Variants in MAGI1 observed in about 807,000 individuals in gnomAD.
MAGI1 encodes the protein membrane associated guanylate kinase, WW and PDZ domain containing 1, also known as membrane-associated guanylate kinase, WW and PDZ domain-containing protein 1.
A neutral mutation model predicts 139.9 loss-of-function variants in MAGI1; 58 were observed. The observed-to-expected ratio is 0.41, with a 90% confidence interval of 0.34 to 0.52. The LOEUF (loss-of-function observed/expected upper bound fraction) is 0.52, where lower values mean the gene tolerates loss of function less well. Among genes scored for constraint, MAGI1 ranks in the 20% least tolerant of loss-of-function variants. MAGI1 has a pLI of 0.12. For synonymous variants in MAGI1, 812 were observed against 737.9 expected (o/e 1.10, Z -1.63); for missense variants, 1,874 against 1,901.6 (o/e 0.99, Z 0.27).
At position 65,419,231 on chromosome 3, in the gene MAGI1, C is replaced by CACACACACACACACACACACACAT. The variant is rs145284205; in HGVS notation, c.2167+10288_2167+10289insATGTGTGTGTGTGTGTGTGTGTGT. Among the ~76,000 whole-genome samples the CACACACACACACACACACACACAT allele has an allele frequency of 4.6e-3, 699 of 150,866 alleles. 4 individuals are homozygous for CACACACACACACACACACACACAT. The highest frequency in any genetic ancestry group is 5.3e-3 in the African/African-American group (218 of 40,998). Reference sequence around the variant, plus strand: ...TTTATAACACATTCATACACACACACACACACACACACACAAGTGTATGAA... The same window carrying CACACACACACACACACACACACAT: ...TTTATAACACATTCATACACACACACACACACACACACACACACACACATACACACACACACACAAGTGTATGAA... On this transcript the variant is annotated intron_variant, in intron 12 of 22. Transcript: ENST00000402939.
chr3:65,863,459 A>T (rs1276725140), intron 1 of MAGI1, among the ~76,000 whole-genome samples: 1 of 152,230 alleles, frequency 6.6e-6, no homozygotes, highest in Non-Finnish European at 1.5e-5. Context: ...ATAAAGAAAT[A>T]AGGGCACATT....
chr3:65,829,894 C>T (rs116408599), intron 1 of MAGI1, among the ~76,000 whole-genome samples: 3,908 of 152,294 alleles, frequency 0.026, 91 homozygotes, highest in Middle Eastern at 0.034. Context: ...TGGATCCCTA[C>T]ATAAACAGTT....
intron 1 of MAGI1, among the ~76,000 whole-genome samples, chr3:65,848,049 G>A (rs1028599316): frequency 3.3e-5 from 5 of 152,124 alleles, no homozygotes; most frequent in Non-Finnish European, 7.4e-5. Context: ...ACCCTTCCCC[G>A]ATAGAAGAAC....
chr3:65,472,302 C>T (rs999350237), intron 4 of MAGI1, among the ~76,000 whole-genome samples: 12 of 152,096 alleles, frequency 7.9e-5, no homozygotes, highest in African/African-American at 2.7e-4. Flanking sequence ...AGACTTTTCA[C>T]ACTTAAGTGC....
At chr3:65,613,057 A>G (rs1002771975) in intron 2 of MAGI1, among the ~76,000 whole-genome samples, 12 of 152,306 alleles carry the variant, frequency 7.9e-5, no homozygotes, top group African/African-American at 2.9e-4. Context: ...GTTAATTTTT[A>G]AAAATGGTCT....
intron 1 of MAGI1, among the ~76,000 whole-genome samples, chr3:65,994,621 A>G (rs2066345997): frequency 6.6e-6 from 1 of 152,230 alleles, no homozygotes; most frequent in Non-Finnish European, 1.5e-5. Flanking sequence ...TGAACAGGGA[A>G]TGCAGTATCT....
At chr3:65,970,936 G>A (rs900614011) in intron 1 of MAGI1, among the ~76,000 whole-genome samples, 2 of 152,210 alleles carry the variant, frequency 1.3e-5, no homozygotes, top group Non-Finnish European at 2.9e-5. Context: ...TGGGCACGGT[G>A]GCTCATGCCT....
intron 1 of MAGI1, among the ~76,000 whole-genome samples, chr3:66,016,662 G>C (rs1466709605): frequency 6.6e-6 from 1 of 152,206 alleles, no homozygotes; most frequent in Non-Finnish European, 1.5e-5. Flanking sequence ...AATGGAGGAG[G>C]TCAGGACATC....
intron 1 of MAGI1, among the ~76,000 whole-genome samples, chr3:65,826,976 T>C (rs553564899): frequency 4.2e-4 from 63 of 148,944 alleles, no homozygotes; most frequent in African/African-American, 1.4e-3. Flanking sequence ...TGCTCTAATA[T>C]GAATTTGTGC....
intron 1 of MAGI1, among the ~76,000 whole-genome samples, chr3:65,648,290 C>CGTGTGTGT (rs35122002): frequency 0.098 from 14,310 of 146,638 alleles, 775 homozygotes; most frequent in Middle Eastern, 0.13. Context: ...TACTACAGGC[C>CGTGTGTGT]GTGTGTGTGT....
intron 1 of MAGI1, among the ~76,000 whole-genome samples, chr3:65,967,650 C>A (rs1241885869): frequency 1.3e-5 from 2 of 152,214 alleles, no homozygotes; most frequent in Admixed American, 1.3e-4. Flanking sequence ...AAGCAGTCGA[C>A]AGGAAACGTT....
At chr3:65,432,434 T>G (rs970976994) in intron 10 of MAGI1, among the ~76,000 whole-genome samples, 23 of 152,212 alleles carry the variant, frequency 1.5e-4, no homozygotes, top group Non-Finnish European at 8.8e-5. Context: ...TAAAAGAGTT[T>G]AAAAGGTCTC....
chr3:65,484,759 T>A (rs1261876754), intron 3 of MAGI1, among the ~76,000 whole-genome samples: 1 of 152,152 alleles, frequency 6.6e-6, no homozygotes, highest in African/African-American at 2.4e-5. Context: ...CTCACCCTGT[T>A]ACTACCTGCT....
At chr3:65,952,415 C>T (rs2063909439) in intron 1 of MAGI1, among the ~76,000 whole-genome samples, 2 of 152,138 alleles carry the variant, frequency 1.3e-5, no homozygotes, top group South Asian at 2.1e-4. Flanking sequence ...GGAAGAACAG[C>T]AAGGAGTGTA....
chr3:65,880,625 C>G (rs187611236), intron 1 of MAGI1, among the ~76,000 whole-genome samples: 11 of 152,222 alleles, frequency 7.2e-5, no homozygotes, highest in Non-Finnish European at 1.5e-4. Context: ...ATAAAAGTAG[C>G]ATTCCACGCT....
chr3:65,662,566 T>TTGTA (rs2107398396), intron 1 of MAGI1, among the ~76,000 whole-genome samples: 1 of 152,324 alleles, frequency 6.6e-6, no homozygotes, highest in Admixed American at 6.5e-5. Context: ...GTTTGTTTGT[T>TTGTA]TGTATGTTCT....
chr3:65,753,071 C>T (rs2036279960), intron 1 of MAGI1, among the ~76,000 whole-genome samples: 1 of 152,016 alleles, frequency 6.6e-6, no homozygotes, highest in Non-Finnish European at 1.5e-5. Context: ...TTTTCCTCAA[C>T]AATGTCTAAA....
intron 5 of MAGI1, among the ~76,000 whole-genome samples, chr3:65,462,180 T>C (rs4577405): frequency 0.87 from 131,358 of 151,698 alleles, 57,094 homozygotes; most frequent in East Asian, 0.97. Flanking sequence ...GTTTTAGTCA[T>C]GAAGTCTTTG....
chr3:65,895,714 C>T (rs958821274), intron 1 of MAGI1, among the ~76,000 whole-genome samples: 8 of 152,164 alleles, frequency 5.3e-5, no homozygotes, highest in African/African-American at 1.9e-4. Context: ...CCCATCCAAA[C>T]TTACGTCAGT....
Sources: allele counts gnomAD v4.1 joint callset (sites outside exome capture counted in the v4.1 genomes callset), GRCh38; gene constraint gnomAD v4.1.1; transcripts MANE v1.5; gene names NCBI Gene and HGNC (gene_info 2026-07-23, HGNC 2026-07-21).